Variants in PARP6 observed in about 807,000 individuals in gnomAD.
PARP6 encodes the protein protein mono-ADP-ribosyltransferase PARP6.
Under a neutral mutation model 92.0 loss-of-function variants are expected in PARP6, and 27 were observed. That is an observed-to-expected ratio of 0.29 (90% confidence interval 0.22 to 0.40). The LOEUF (loss-of-function observed/expected upper bound fraction) is 0.40, where lower values mean the gene tolerates loss of function less well. PARP6 is among the 10% of genes least tolerant of loss of function. The pLI, the probability that PARP6 is intolerant of heterozygous loss-of-function variation, is 1.00. For missense variants in PARP6, 501 were observed against 784.5 expected (o/e 0.64, Z 4.32); for synonymous variants, 272 against 281.2 (o/e 0.97, Z 0.33).
chr15:72,265,996 G>C lies in PARP6; in HGVS notation c.82-5C>G. 6.2e-7 allele frequency: 1 copy of C among 1,600,434 alleles called. No individual in the cohort carries two copies. The highest frequency in any genetic ancestry group is 8.6e-7 in the Non-Finnish European group (1 of 1,167,546). On this transcript the variant is annotated splice_region_variant and splice_polypyrimidine_tract_variant and intron_variant, in intron 4 of 23. Transcript: ENST00000569795. Reference sequence around the variant, plus strand: ...CAGGTCAGCTGCACAGCTCCCCTGAGATAGCAGCAAAAATGGTGGTGGAGA... The same window carrying C: ...CAGGTCAGCTGCACAGCTCCCCTGACATAGCAGCAAAAATGGTGGTGGAGA...
chr15:72,261,683 T>C lies in PARP6; in HGVS notation c.420A>G (p.Gln140=), dbSNP rs1424111284. The part of the protein sequence containing the change: ...LKKILGMFTS[Q]QWKHLSNDFL... ...AATCATTGCTCAGATGTTTCCATTG[T>C]TGGGATGTAAACATACCCAGGATCC... Residue 140 remains glutamine (Q), a synonymous_variant, in exon 9 of 24, where the codon CAA becomes CAG. Coordinates refer to ENST00000569795, the MANE Select transcript of PARP6 (RefSeq NM_001323532.2). The C allele has an allele frequency of 6.2e-7, 1 of 1,614,004 alleles. No individual in the cohort carries two copies. Among genetic ancestry groups the C allele is most frequent in the Non-Finnish European group, 8.5e-7 (1 of 1,179,868 alleles).
At position 72,241,181 on chromosome 15, in the gene PARP6, T is replaced by A; in HGVS notation, c.*274A>T. ...GGCTAGTCAAACCACAGTGATCATA[T>A]CCAGTCCACAGCACCTTCCATTTTA... On this transcript the variant is annotated 3_prime_UTR_variant, in exon 24 of 24. Coordinates refer to ENST00000569795, the MANE Select transcript of PARP6 (RefSeq NM_001323532.2). The surrounding 1 kb of genome is among the most constrained non-coding windows in gnomAD (Gnocchi z 4.1). 1 of 561,628 alleles carries A rather than the reference T, an allele frequency of 1.8e-6. No individual in the cohort carries two copies. Among genetic ancestry groups the A allele is most frequent in the South Asian group, 1.5e-5 (1 of 65,390 alleles). 34.8% of individuals were successfully genotyped at this position (561,628 alleles called of 1,614,324 possible).
chr15:72,260,667 T>C lies in PARP6; in HGVS notation c.567A>G (p.Ile189Met). ...PIPKSPSFPI[I>M]QDSMLKGKLG... Reference sequence around the variant, plus strand: ...GTTTGCCTTTCAGCATGGAGTCCTGTATGATAGGGAAACTGGGAGACCTGC... The same window carrying C: ...GTTTGCCTTTCAGCATGGAGTCCTGCATGATAGGGAAACTGGGAGACCTGC... Residue 189 changes from isoleucine (I) to methionine (M), a missense_variant, in exon 10 of 24, where the codon ATA becomes ATG. Physicochemically the swap from Ile to Met is conservative, Grantham distance 10. Transcript: ENST00000569795. 1 of 1,613,714 alleles carries C rather than the reference T, an allele frequency of 6.2e-7. No homozygotes were observed. The highest frequency in any genetic ancestry group is 8.5e-7 in the Non-Finnish European group (1 of 1,179,664).
Position 72,242,881 on chromosome 15 carries a change from T to C in PARP6, c.1562-182A>G. The C allele has an allele frequency of 3.5e-6, 2 of 578,972 alleles. No homozygotes were observed. Among genetic ancestry groups the C allele is most frequent in the East Asian group, 2.9e-5 (1 of 34,166 alleles). 35.9% of individuals were successfully genotyped at this position (578,972 alleles called of 1,614,324 possible). A position where few individuals can be genotyped will look rare whatever the true frequency, so the allele number is the denominator to read the frequency against. ...AGAACAAGTAATTAACAACACAGCA[T>C]GGTAAGGGGTTGTGATGCAGATTAT... is the stretch of plus-strand genomic sequence containing the variant. On this transcript the variant is annotated intron_variant, in intron 20 of 23. Coordinates refer to ENST00000569795, the MANE Select transcript of PARP6 (RefSeq NM_001323532.2). This position sits in a 1 kb window ranked among gnomAD's most constrained non-coding sequence, Gnocchi z 4.3.
In PARP6 at chr15:72,271,179, T is replaced by C. The variant is rs912382420; in HGVS notation, c.-351A>G. 1 of 152,200 alleles carries C rather than the reference T, an allele frequency of 6.6e-6. No homozygotes were observed. The highest frequency in any genetic ancestry group is 1.5e-5 in the Non-Finnish European group (1 of 68,036). The allele number at this position is 152,200 out of a possible 1,614,324, so 9.4% of individuals were successfully genotyped here. Reference sequence around the variant, plus strand: ...GGTTGCCCTGGGGTGAGGGGTAGGATGACGGCAGCGTTAGGCCAGAAGTGC... The same window carrying C: ...GGTTGCCCTGGGGTGAGGGGTAGGACGACGGCAGCGTTAGGCCAGAAGTGC... On this transcript the variant is annotated 5_prime_UTR_variant, in exon 2 of 24. Coordinates refer to ENST00000569795, the MANE Select transcript of PARP6 (RefSeq NM_001323532.2).
intron 10 of PARP6, 136 bp from the exon 11 acceptor site, chr15:72,259,797 A>G (rs2085621261): frequency 1.4e-6 from 1 of 731,560 alleles, no homozygotes; most frequent in Non-Finnish European, 2.3e-6. Flanking sequence ...TAGAAAGGAG[A>G]CTTTTAGACA....
In PARP6 at chr15:72,241,190, C is replaced by T. The variant is rs752010300; in HGVS notation, c.*265G>A. On this transcript the variant is annotated 3_prime_UTR_variant, in exon 24 of 24. Coordinates refer to ENST00000569795, the MANE Select transcript of PARP6 (RefSeq NM_001323532.2). This position sits in a 1 kb window ranked among gnomAD's most constrained non-coding sequence, Gnocchi z 4.1. ...AACCACAGTGATCATATCCAGTCCA[C>T]AGCACCTTCCATTTTATTGTTTTAT... The T allele has an allele frequency of 5.2e-6, 3 of 579,422 alleles. No individual in the cohort carries two copies. Among genetic ancestry groups the T allele is most frequent in the South Asian group, 1.5e-5 (1 of 65,548 alleles). 35.9% of individuals were successfully genotyped at this position (579,422 alleles called of 1,614,324 possible).
chr15:72,242,197 G>A lies in PARP6; in HGVS notation c.1665C>T (p.Phe555=), dbSNP rs761041673. The change falls in exon 22 of 24, where the codon TTC becomes TTT. Residue 555 remains phenylalanine (F), a synonymous_variant. Coordinates refer to ENST00000569795, the MANE Select transcript of PARP6 (RefSeq NM_001323532.2). The surrounding 1 kb of genome is among the most constrained non-coding windows in gnomAD (Gnocchi z 4.3). ...TACAGTTTAGATTCCGACTCTGCAG[G>A]AACCGTGACTGAATGGATCGGGTCT... ...IPQTRSIQSR[F]LQSRNLNCIA... 2 of 1,614,110 alleles carry A rather than the reference G, an allele frequency of 1.2e-6. No homozygotes were observed. The highest frequency in any genetic ancestry group is 1.7e-6 in the Non-Finnish European group (2 of 1,179,988).
At chr15:72,249,159 T>C (rs900284710) in intron 20 of PARP6, 86 bp downstream of exon 20, 2 of 699,496 alleles carry the variant, frequency 2.9e-6, no homozygotes, top group South Asian at 1.9e-5. Context: ...GTATCCATAA[T>C]GAGGGAGGAA....
chr15:72,259,582 C>T (rs571481571), intron 11 of PARP6, 26 bp downstream of exon 11: 28 of 1,610,400 alleles, frequency 1.7e-5, no homozygotes, highest in Middle Eastern at 1.7e-4. Context: ...GGAAGGGCTT[C>T]GGAGTGACAA....
Position 72,242,270 on chromosome 15 carries a change from C to A in PARP6, c.1642-50G>T, listed in dbSNP as rs574243739. 2.7e-6 allele frequency: 4 copies of A among 1,457,332 alleles called. No individual in the cohort carries two copies. In the African/African-American group the frequency reaches 4.2e-5, roughly 15 times the overall value. 90.3% of individuals were successfully genotyped at this position (1,457,332 alleles called of 1,614,324 possible). A position where few individuals can be genotyped will look rare whatever the true frequency, so the allele number is the denominator to read the frequency against. On this transcript the variant is annotated intron_variant, in intron 21 of 23. Coordinates refer to ENST00000569795, the MANE Select transcript of PARP6 (RefSeq NM_001323532.2). The surrounding 1 kb of genome is among the most constrained non-coding windows in gnomAD (Gnocchi z 4.3). ...ACCAGAGCCAGGTAGATGGGTACAG[C>A]TTTCCCTAGAGAGGCTGGTTAGCTG...
chr15:72,255,766 T>G (rs1429745034), intron 14 of PARP6, among the ~76,000 whole-genome samples: 2 of 150,394 alleles, frequency 1.3e-5, no homozygotes, highest in Non-Finnish European at 3.0e-5. Context: ...AACAGTACTT[T>G]ACATATATTA....
chr15:72,253,462 G>T lies in PARP6; in HGVS notation c.1234C>A (p.Pro412Thr). The change falls in exon 16 of 24, where the codon CCC (proline) becomes ACC (threonine). Residue 412 changes from proline to threonine, a missense_variant. By Grantham distance (38) the Pro-to-Thr change is conservative. Transcript: ENST00000569795. ...EIKKQMDKLD[P>T]LAHPLLQWII... is the part of the protein sequence containing the mutation. ...CACTGCAGGAGAGGATGGGCCAGGG[G>T]ATCCAACTTGTCCATCTGTTTCTTG... 1 of 1,613,870 alleles carries T rather than the reference G, an allele frequency of 6.2e-7. No homozygotes were observed. Among genetic ancestry groups the T allele is most frequent in the Non-Finnish European group, 8.5e-7 (1 of 1,179,772 alleles).
At chr15:72,268,269 G>A (rs766105436) in intron 2 of PARP6, among the ~76,000 whole-genome samples, 3 of 152,244 alleles carry the variant, frequency 2.0e-5, no homozygotes, top group Non-Finnish European at 4.4e-5. Context: ...AAAAGTGATG[G>A]TGGCAGGACA....
At chr15:72,268,860 A>G (rs2086968012) in intron 2 of PARP6, among the ~76,000 whole-genome samples, 1 of 152,204 alleles carries the variant, frequency 6.6e-6, no homozygotes, top group Non-Finnish European at 1.5e-5. Flanking sequence ...CTTAACCCAG[A>G]GCCCTTTCAT....
chr15:72,248,202 T>G (rs1038239710), intron 20 of PARP6, among the ~76,000 whole-genome samples: 22 of 152,342 alleles, frequency 1.4e-4, no homozygotes, highest in African/African-American at 5.3e-4. Context: ...AAATCATCTT[T>G]GGACTTTTTT....
intron 14 of PARP6, 54 bp downstream of exon 14, chr15:72,256,411 C>A: frequency 7.1e-7 from 1 of 1,400,810 alleles, no homozygotes; most frequent in Non-Finnish European, 9.4e-7. Context: ...CCATAGTCTG[C>A]CACTATCTTT....
At position 72,256,491 on chromosome 15, in the gene PARP6, G is replaced by A. The variant is rs779650192; in HGVS notation, c.1099C>T (p.Pro367Ser). Reference sequence around the variant, plus strand: ...TTAGGGTTAAAGGCCAGAGTCTTGGGATCAGTGGGGTCCACCACAGAGGGA... The same window carrying A: ...TTAGGGTTAAAGGCCAGAGTCTTGGAATCAGTGGGGTCCACCACAGAGGGA... ...PYPSVVDPTD[P>S]KTLAFNPKKK... is the part of the protein sequence containing the mutation. The change falls in exon 14 of 24, where the codon CCC becomes TCC. Residue 367 changes from proline to serine, a missense_variant. Transcript: ENST00000569795. 6.3e-6 allele frequency: 10 copies of A among 1,589,530 alleles called. No individual in the cohort carries two copies. The highest frequency in any genetic ancestry group is 3.3e-4 in the Middle Eastern group (2 of 5,996).
intron 16 of PARP6, among the ~76,000 whole-genome samples, chr15:72,251,943 A>G (rs1265487594): frequency 2.6e-5 from 4 of 152,218 alleles, no homozygotes; most frequent in Non-Finnish European, 5.9e-5. Flanking sequence ...TGCCTCATCT[A>G]TGTACCTGTG....
Sources: gnomAD v4.1 joint callset for allele counts (sites outside exome capture counted in the v4.1 genomes callset) on GRCh38, gnomAD v4.1.1 for gene constraint, Gnocchi (gnomAD v3.1) non-coding constraint, MANE v1.5 for transcripts, NCBI Gene and HGNC (gene_info 2026-07-23, HGNC 2026-07-21) for gene names.